Variants in SREBF2 observed in about 807,000 individuals in gnomAD.
SREBF2 encodes the protein sterol regulatory element binding transcription factor 2.
Under a neutral mutation model 113.1 loss-of-function variants are expected in SREBF2, and 55 were observed. The ratio of observed to expected loss-of-function variants is 0.49; its 90% CI spans 0.39 to 0.61. The LOEUF (loss-of-function observed/expected upper bound fraction) is 0.61, where lower values mean the gene tolerates loss of function less well. Ranked by LOEUF, SREBF2 falls within the 20% of genes least tolerant of loss-of-function variation. The probability of loss-of-function intolerance (pLI) is 0.00; values close to 1 mark genes in which losing one functional copy is unlikely to be tolerated. For missense variants in SREBF2, 1,349 were observed against 1,487.4 expected (o/e 0.91, Z 1.53); for synonymous variants, 593 against 605.7 (o/e 0.98, Z 0.31).
chr22:41,864,257 TATATACACACAC>T (rs1397004099), intron 1 of SREBF2, among the ~76,000 whole-genome samples: 8 of 72,768 alleles, frequency 1.1e-4, no homozygotes, highest in African/African-American at 4.0e-4. Context: ...TATATATATA[TATATACACACAC>T]ACACACACAC....
At chr22:41,868,077 TTC>T (rs2077103126) in intron 2 of SREBF2, among the ~76,000 whole-genome samples, 1 of 152,246 alleles carries the variant, frequency 6.6e-6, no homozygotes, top group African/African-American at 2.4e-5. Context: ...GGCCTGTTCT[TTC>T]TGTGATGTGC....
chr22:41,866,727 G>T, intron 1 of SREBF2, 104 bp from the exon 2 acceptor site: 5 of 1,350,002 alleles, frequency 3.7e-6, no homozygotes, highest in Non-Finnish European at 5.3e-6. Flanking sequence ...TTTCTGCCAT[G>T]GTCTTAGGAA....
chr22:41,876,298 G>C (rs1219064060), intron 7 of SREBF2, among the ~76,000 whole-genome samples: 1 of 152,054 alleles, frequency 6.6e-6, no homozygotes, highest in African/African-American at 2.4e-5. Context: ...TTTTGACTTC[G>C]GCAGTTTCTG....
chr22:41,867,085 A>G lies in SREBF2; in HGVS notation c.343A>G (p.Lys115Glu), dbSNP rs138407302. The G allele has an allele frequency of 4.3e-6, 7 of 1,613,996 alleles. No individual in the cohort carries two copies. In the African/African-American group the frequency reaches 9.3e-5, roughly 22 times the overall value. Reference sequence around the variant, plus strand: ...CCCACAGGCTCCAACTCTGCAAGTCAAGGTTTCTCCCACCTCAGTTCCCAC... The same window carrying G: ...CCCACAGGCTCCAACTCTGCAAGTCGAGGTTTCTCCCACCTCAGTTCCCAC... ...ASPQAPTLQV[K>E]VSPTSVPTTP... Residue 115 changes from lysine to glutamate, a missense_variant, in exon 2 of 19, where the codon AAG (lysine) becomes GAG (glutamate). Coordinates refer to ENST00000361204, the MANE Select transcript of SREBF2 (RefSeq NM_004599.4).
intron 1 of SREBF2, among the ~76,000 whole-genome samples, chr22:41,844,065 C>CACAG: frequency 6.8e-6 from 1 of 146,034 alleles, no homozygotes; most frequent in South Asian, 2.2e-4. Flanking sequence ...CACACACACA[C>CACAG]GTATATGTAT....
chr22:41,853,286 A>G (rs949513932), intron 1 of SREBF2, among the ~76,000 whole-genome samples: 1 of 152,114 alleles, frequency 6.6e-6, no homozygotes, highest in African/African-American at 2.4e-5. Flanking sequence ...TGCCCTGCCC[A>G]TCACCCATTG....
chr22:41,886,053 C>T (rs992326568), intron 11 of SREBF2: 3 of 152,214 alleles, frequency 2.0e-5, no homozygotes, highest in African/African-American at 7.2e-5. Flanking sequence ...TGAGCACCGT[C>T]TCTAAGCAGG....
intron 9 of SREBF2, among the ~76,000 whole-genome samples, chr22:41,880,290 G>T (rs559817219): frequency 1.3e-5 from 2 of 151,468 alleles, no homozygotes; most frequent in Non-Finnish European, 2.9e-5. Context: ...GGTGGCTCAC[G>T]CCTGTAATCC....
At chr22:41,860,717 A>G (rs1458133838) in intron 1 of SREBF2, among the ~76,000 whole-genome samples, 2 of 152,088 alleles carry the variant, frequency 1.3e-5, no homozygotes, top group Admixed American at 6.6e-5. Context: ...TGTCTCCACA[A>G]AAAAAAGATT....
At chr22:41,834,436 C>T (rs1180205904) in intron 1 of SREBF2, 1 of 152,604 alleles carries the variant, frequency 6.6e-6, no homozygotes, top group African/African-American at 2.4e-5. Context: ...TATCTAAGGC[C>T]ACTCACCTTA....
intron 2 of SREBF2, among the ~76,000 whole-genome samples, chr22:41,867,687 G>A (rs963118654): frequency 6.6e-6 from 1 of 152,090 alleles, no homozygotes; most frequent in Non-Finnish European, 1.5e-5. Flanking sequence ...GGCGCCTGTA[G>A]TCCCAGCTAC....
intron 16 of SREBF2, among the ~76,000 whole-genome samples, chr22:41,901,306 G>A (rs1447247453): frequency 5.9e-5 from 9 of 152,194 alleles, no homozygotes; most frequent in Admixed American, 4.6e-4. Flanking sequence ...CAGTGGACCT[G>A]GGCACTGGGA....
rs764346811 is a variant in SREBF2, at chr22:41,905,603, C to T, written c.3369C>T (p.Asn1123=). ...AGGTGGGCGACCGGCGCTCCTGCAA[C>T]GACTGCCAGCAGATGATTGTTAAGC... ...LEKVGDRRSC[N]DCQQMIVKLG... The change falls in exon 19 of 19, where the codon AAC becomes AAT. Residue 1123 remains asparagine (N), a synonymous_variant. Transcript: ENST00000361204. 2.2e-5 allele frequency: 35 copies of T among 1,600,022 alleles called. No individual in the cohort carries two copies. Among genetic ancestry groups the T allele is most frequent in the Non-Finnish European group, 2.7e-5 (32 of 1,174,336 alleles).
chr22:41,866,708 C>T (rs925883239), intron 1 of SREBF2, 123 bp from the exon 2 acceptor site: 24 of 1,172,842 alleles, frequency 2.0e-5, no homozygotes, highest in Non-Finnish European at 3.0e-5. Flanking sequence ...GTAAGGGTTT[C>T]CTGACCCATT....
chr22:41,845,056 G>A (rs927698306), intron 1 of SREBF2, among the ~76,000 whole-genome samples: 4 of 151,222 alleles, frequency 2.6e-5, no homozygotes, highest in East Asian at 3.9e-4. Flanking sequence ...CTGTAATCCC[G>A]AGTAGCTGGG....
chr22:41,864,257 T>TACAC (rs1271238414), intron 1 of SREBF2, among the ~76,000 whole-genome samples: 94 of 72,744 alleles, frequency 1.3e-3, no homozygotes, highest in South Asian at 2.5e-3. Flanking sequence ...TATATATATA[T>TACAC]ATATACACAC....
intron 10 of SREBF2, among the ~76,000 whole-genome samples, chr22:41,882,409 C>T (rs1256321819): frequency 6.6e-6 from 1 of 152,306 alleles, no homozygotes; most frequent in East Asian, 1.9e-4. Context: ...GCAGGATCTA[C>T]AGCCCAAAGA....
intron 7 of SREBF2, among the ~76,000 whole-genome samples, chr22:41,876,054 A>G (rs1288399047): frequency 1.3e-5 from 2 of 152,192 alleles, no homozygotes; most frequent in African/African-American, 4.8e-5. Flanking sequence ...TCTGCCTTTA[A>G]TGGGCCTGGC....
At chr22:41,844,945 C>A (rs1341987443) in intron 1 of SREBF2, among the ~76,000 whole-genome samples, 1 of 108,912 alleles carries the variant, frequency 9.2e-6, no homozygotes, top group East Asian at 3.4e-4. Context: ...CACCCCCCAC[C>A]CCCACAAGAG....
Sources: allele counts gnomAD v4.1 joint callset (sites outside exome capture counted in the v4.1 genomes callset), GRCh38; gene constraint gnomAD v4.1.1; transcripts MANE v1.5; gene names NCBI Gene and HGNC (gene_info 2026-07-23, HGNC 2026-07-21).